Variants in EML5 observed in about 807,000 individuals in gnomAD.
The protein encoded by EML5 is echinoderm microtubule-associated protein-like 5.
Under a neutral mutation model 250.0 loss-of-function variants are expected in EML5, and 120 were observed. The observed-to-expected ratio is 0.48, with a 90% CI of 0.41 to 0.56. The LOEUF (loss-of-function observed/expected upper bound fraction) is 0.56, where lower values mean the gene tolerates loss of function less well. EML5 is among the 20% of genes least tolerant of loss of function. The pLI is 0.00. For missense variants in EML5, 2,006 were observed against 2,437.6 expected (o/e 0.82, Z 3.73); for synonymous variants, 771 against 806.5 (o/e 0.96, Z 0.75).
At chr14:88,644,249 T>C (rs759832983) in intron 30 of EML5, among the ~76,000 whole-genome samples, 184 bp downstream of exon 30, 12 of 152,120 alleles carry the variant, frequency 7.9e-5, no homozygotes, top group Non-Finnish European at 1.8e-4. Flanking sequence ...GGAAGACTAA[T>C]TTAAAAAATT....
chr14:88,673,071 A>G (rs1290183920), intron 21 of EML5, among the ~76,000 whole-genome samples: 1 of 152,166 alleles, frequency 6.6e-6, no homozygotes, highest in Non-Finnish European at 1.5e-5. Flanking sequence ...AAAACCTGGC[A>G]GAGATGCAAC....
At chr14:88,736,306 C>T (rs2093840687) in intron 7 of EML5, 58 bp downstream of exon 7, 3 of 1,589,442 alleles carry the variant, frequency 1.9e-6, no homozygotes, top group Non-Finnish European at 1.7e-6. Context: ...GCCATGTTTT[C>T]TTTATGTTTA....
At chr14:88,642,528 T>A (rs2091120397) in intron 31 of EML5, among the ~76,000 whole-genome samples, 1 of 152,144 alleles carries the variant, frequency 6.6e-6, no homozygotes, top group Non-Finnish European at 1.5e-5. Flanking sequence ...ATTCAATCAC[T>A]ATCAGAAACC....
rs2091306913 is a variant in EML5 at position 88,645,536 on chromosome 14, T to G, written c.4029-1025A>C. Among the ~76,000 whole-genome samples the G allele has an allele frequency of 2.0e-5, 3 of 152,180 alleles. No homozygotes were observed. The South Asian group carries it at 6.2e-4, about 32-fold the overall frequency. ...AATACATCCTTCTTGAAAGTGAATT[T>G]TCGTAATATTTCTATGAACGTTCCA... On this transcript the variant is annotated intron_variant, in intron 29 of 43. Coordinates refer to ENST00000554922, the MANE Select transcript of EML5 (RefSeq NM_183387.3).
chr14:88,792,868 G>A lies in EML5; in HGVS notation c.-365C>T. The A allele has an allele frequency of 4.8e-6, 2 of 417,290 alleles. No homozygotes were observed. Among genetic ancestry groups the A allele is most frequent in the Non-Finnish European group, 6.4e-6 (2 of 310,238 alleles). 25.8% of individuals were successfully genotyped at this position (417,290 alleles called of 1,614,324 possible). Reference sequence around the variant, plus strand: ...CCCGCGCACGCAGCTCCCAGCCCCGGTCACCTGCGGCGCTCGCGCCCCGCC... The same window carrying A: ...CCCGCGCACGCAGCTCCCAGCCCCGATCACCTGCGGCGCTCGCGCCCCGCC... On this transcript the variant is annotated 5_prime_UTR_variant, in exon 1 of 44. Coordinates refer to ENST00000554922, the MANE Select transcript of EML5 (RefSeq NM_183387.3). This position sits in a 1 kb window ranked among gnomAD's most constrained non-coding sequence, Gnocchi z 6.9.
intron 21 of EML5, among the ~76,000 whole-genome samples, chr14:88,680,421 T>C (rs1412413876): frequency 6.6e-6 from 1 of 152,078 alleles, no homozygotes; most frequent in Non-Finnish European, 1.5e-5. Context: ...GGAAAAATCA[T>C]ACTTGAGAAT....
At chr14:88,772,753 A>C (rs969669520) in intron 1 of EML5, among the ~76,000 whole-genome samples, 11 of 142,050 alleles carry the variant, frequency 7.7e-5, no homozygotes, top group Non-Finnish European at 1.5e-5. Flanking sequence ...ACTCCATCTC[A>C]AAAAAAAAAA....
chr14:88,618,558 C>G, intron 40 of EML5, 92 bp downstream of exon 40: 1 of 1,419,520 alleles, frequency 7.0e-7, no homozygotes, highest in African/African-American at 1.4e-5. Context: ...GAAGCTGGAG[C>G]TCTGGAGCTC....
At chr14:88,791,295 A>G (rs965897622) in intron 1 of EML5, among the ~76,000 whole-genome samples, 1 of 152,236 alleles carries the variant, frequency 6.6e-6, no homozygotes, top group African/African-American at 2.4e-5. Flanking sequence ...ACATGAGGGA[A>G]TAACATTTTG....
chr14:88,678,127 T>G (rs1408375861), intron 21 of EML5, among the ~76,000 whole-genome samples: 1 of 152,076 alleles, frequency 6.6e-6, no homozygotes, highest in Non-Finnish European at 1.5e-5. Context: ...AGTAACAAGA[T>G]CATGTCCTTT....
At chr14:88,619,253 T>C (rs1046057660) in intron 39 of EML5, 2 of 153,006 alleles carry the variant, frequency 1.3e-5, no homozygotes, top group African/African-American at 4.8e-5. Context: ...TAATCCCATC[T>C]ACTCGGGAGG....
intron 1 of EML5, among the ~76,000 whole-genome samples, chr14:88,780,573 CT>C (rs35015569): frequency 2.6e-4 from 38 of 147,236 alleles, no homozygotes; most frequent in South Asian, 1.1e-3. Flanking sequence ...TATAAAAAAT[CT>C]TTTTTTTTTT....
At chr14:88,759,539 C>G (rs921899521) in intron 1 of EML5, among the ~76,000 whole-genome samples, 1 of 151,644 alleles carries the variant, frequency 6.6e-6, no homozygotes, top group Non-Finnish European at 1.5e-5. Context: ...AAACAACTAG[C>G]CAGGTGTGAT....
At chr14:88,763,436 C>T (rs574435014) in intron 1 of EML5, among the ~76,000 whole-genome samples, 4 of 151,724 alleles carry the variant, frequency 2.6e-5, no homozygotes, top group Non-Finnish European at 5.9e-5. Flanking sequence ...ACACACACAC[C>T]CCCCCAAGAC....
rs780049890 is a variant in EML5, at chr14:88,661,698, C to T, written c.3631G>A (p.Gly1211Arg). 3.1e-6 allele frequency: 5 copies of T among 1,613,436 alleles called. No homozygotes were observed. Among genetic ancestry groups the T allele is most frequent in the Middle Eastern group, 1.7e-4 (1 of 6,052 alleles). ...LTSDKMVLAT[G>R]DDLGFVKLFR... ...AACTTCACAAATCCCAAATCGTCCC[C>T]GGTAGCTAGAACCATTTTGTCACTG... Residue 1211 changes from glycine (G) to arginine (R), a missense_variant, in exon 25 of 44, where the codon GGG becomes AGG. Physicochemically the swap from Gly to Arg is moderately radical, Grantham distance 125 (BLOSUM62 -2). This residue lies in a region of EML5 where 1,375 missense variants were observed against 1,590.3 expected (regional missense o/e 0.86). Transcript: ENST00000554922.
rs1451630548 is a variant in EML5, at chr14:88,701,704, TAC to T, written c.2238+740_2238+741del. Among the ~76,000 whole-genome samples the T allele has an allele frequency of 1.4e-4, 21 of 152,328 alleles. No homozygotes were observed. The South Asian group carries it at 2.9e-3, about 21-fold the overall frequency. On this transcript the variant is annotated intron_variant, in intron 14 of 43. Transcript: ENST00000554922. Reference sequence around the variant, plus strand: ...ACATATCCTAGCTAGAAGGTATATTTACACAGTGTTTAAAGCCAGACAGACTG... The same window carrying T: ...ACATATCCTAGCTAGAAGGTATATTTACAGTGTTTAAAGCCAGACAGACTG...
chr14:88,702,747 C>T, intron 13 of EML5, 115 bp from the exon 14 acceptor site: 2 of 754,566 alleles, frequency 2.7e-6, no homozygotes, highest in East Asian at 3.2e-5. Flanking sequence ...TCCAGTTTTA[C>T]AGGATACTAA....
At chr14:88,787,469 A>G (rs1434581569) in intron 1 of EML5, among the ~76,000 whole-genome samples, 2 of 152,220 alleles carry the variant, frequency 1.3e-5, no homozygotes, top group Non-Finnish European at 2.9e-5. Flanking sequence ...AATTGTCTGC[A>G]TATTTGCACA....
intron 8 of EML5, 97 bp downstream of exon 8, chr14:88,726,444 A>G (rs1595684676): frequency 2.1e-6 from 2 of 970,148 alleles, no homozygotes; most frequent in East Asian, 6.2e-5. Flanking sequence ...GGTAAAAACA[A>G]CAAGTATTAT....
Sources: gnomAD v4.1 joint callset for allele counts (sites outside exome capture counted in the v4.1 genomes callset) on GRCh38, gnomAD v4.1.1 for gene constraint, gnomAD v4.1.1 regional missense constraint, Gnocchi (gnomAD v3.1) non-coding constraint, MANE v1.5 for transcripts, NCBI Gene and HGNC (gene_info 2026-07-23, HGNC 2026-07-21) for gene names.